The following ABCB4 variants were observed in gnomAD, a reference collection of about 807,000 sequenced individuals.
ABCB4 encodes phosphatidylcholine translocator ABCB4.
A neutral mutation model predicts 145.7 loss-of-function variants in ABCB4; 76 were observed. The observed-to-expected ratio is 0.52, with a 90% CI of 0.43 to 0.63. ABCB4 has a LOEUF of 0.63. ABCB4 is among the 30% of genes least tolerant of loss of function. The pLI is 0.00. For missense variants in ABCB4, 1,234 were observed against 1,553.1 expected (o/e 0.79, Z 3.45); for synonymous variants, 517 against 566.8 (o/e 0.91, Z 1.25).
At position 87,447,156 on chromosome 7, in the gene ABCB4, T is replaced by C. The variant is rs1226456347; in HGVS notation, c.883A>G (p.Ile295Val). 1 of 1,613,908 alleles carries C rather than the reference T, an allele frequency of 6.2e-7. No homozygotes were observed. The highest frequency in any genetic ancestry group is 1.7e-5 in the Admixed American group (1 of 59,970). Reference sequence around the variant, plus strand: ...ATACCCATGGAAATGTTTGCTGAAATAGCTTTTTTAATTCCAATCTCTTTG... The same window carrying C: ...ATACCCATGGAAATGTTTGCTGAAACAGCTTTTTTAATTCCAATCTCTTTG... ...NAKEIGIKKA[I>V]SANISMGIAF... Residue 295 changes from isoleucine to valine, a missense_variant, in exon 9 of 28, where the codon ATT becomes GTT. By Grantham distance (29) the Ile-to-Val change is conservative. This residue lies in a region of ABCB4 where 467 missense variants were observed against 632.8 expected (regional missense o/e 0.74). Coordinates refer to ENST00000649586, the MANE Select transcript of ABCB4 (RefSeq NM_000443.4).
At chr7:87,382,229 C>T in the ABCB4 span, 1 of 1,492,886 alleles carries the variant, frequency 6.7e-7, no homozygotes, top group Non-Finnish European at 9.1e-7. Flanking sequence ...TTTCTTTTAA[C>T]AACCATATGT....
At chr7:87,387,517 G>A in the ABCB4 span, among the ~76,000 whole-genome samples, 12,340 of 151,302 alleles carry the variant, frequency 0.082, 541 homozygotes, top group South Asian at 0.16. Context: ...GGGTCCCCAA[G>A]CCCCCAGTGC....
chr7:87,426,348 C>A (rs1809806039), intron 16 of ABCB4, among the ~76,000 whole-genome samples: 1 of 152,176 alleles, frequency 6.6e-6, no homozygotes, highest in African/African-American at 2.4e-5. Flanking sequence ...GAAATAAAAA[C>A]TCTTAATTTG....
At chr7:87,454,269 T>C (rs1416843752) in intron 5 of ABCB4, among the ~76,000 whole-genome samples, 1 of 152,202 alleles carries the variant, frequency 6.6e-6, no homozygotes, top group Non-Finnish European at 1.5e-5. Flanking sequence ...AATATAGATG[T>C]TATATTAGAT....
intron 15 of ABCB4, among the ~76,000 whole-genome samples, chr7:87,429,193 A>G (rs1337246883): frequency 6.6e-6 from 1 of 152,178 alleles, no homozygotes; most frequent in African/African-American, 2.4e-5. Flanking sequence ...TGGGAGGGCA[A>G]AACTCAAATC....
chr7:87,461,048 C>T (rs1329715735), intron 4 of ABCB4, among the ~76,000 whole-genome samples: 2 of 152,066 alleles, frequency 1.3e-5, no homozygotes, highest in African/African-American at 4.8e-5. Context: ...TGGGTTCAAG[C>T]GATTCCTCTG....
chr7:87,441,431 AC>A (rs139243442), intron 12 of ABCB4, among the ~76,000 whole-genome samples: 6,120 of 152,136 alleles, frequency 0.04, 394 homozygotes, highest in African/African-American at 0.14. Context: ...ATTTCTTGAA[AC>A]TTTTTACAAA....
At chr7:87,380,916 T>C in the ABCB4 span, among the ~76,000 whole-genome samples, 7 of 152,230 alleles carry the variant, frequency 4.6e-5, no homozygotes, top group Non-Finnish European at 2.9e-5. Flanking sequence ...AGTCTTGTCA[T>C]GTGTGCTGTT....
rs369817659 is a variant in ABCB4 at position 87,423,911 on chromosome 7, T to C, written c.2206A>G (p.Ile736Val). 1.4e-5 allele frequency: 22 copies of C among 1,614,082 alleles called. No individual in the cohort carries two copies. The highest frequency in any genetic ancestry group is 1.8e-5 in the Non-Finnish European group (21 of 1,179,940). Reference protein sequence around the residue: ...PAFSVIFSEIIAIFGPGDDAV... With the variant: ...PAFSVIFSEIVAIFGPGDDAV... ...TGTGGTGTTTGCAAACTTACCGCTA[T>C]GATCTCTGAGAATATGACTGAAAAT... The change falls in exon 17 of 28, where the codon ATA (isoleucine) becomes GTA (valine). Residue 736 changes from isoleucine to valine, a missense_variant. Ile to Val is a conservative substitution (Grantham distance 29, BLOSUM62 3). This residue lies in a region of ABCB4 where 321 missense variants were observed against 332.6 expected (regional missense o/e 0.97). Coordinates refer to ENST00000649586, the MANE Select transcript of ABCB4 (RefSeq NM_000443.4).
chr7:87,409,439 C>T (rs746779273), intron 23 of ABCB4, 47 bp from the exon 24 acceptor site: 9 of 1,594,406 alleles, frequency 5.6e-6, no homozygotes, highest in Non-Finnish European at 6.9e-6. Context: ...ATAATTAACT[C>T]CATGATGTTT....
intron 21 of ABCB4, among the ~76,000 whole-genome samples, chr7:87,416,382 T>C (rs181585490): frequency 6.6e-6 from 1 of 152,236 alleles, no homozygotes; most frequent in African/African-American, 2.4e-5. Flanking sequence ...TCATAACTAG[T>C]TAAGGTCAGT....
chr7:87,467,829 G>C lies in ABCB4; in HGVS notation c.135+4792C>G, dbSNP rs192872118. Among the ~76,000 whole-genome samples, 3 of 152,310 alleles carry C rather than the reference G, an allele frequency of 2.0e-5. No individual in the cohort carries two copies. The East Asian group carries it at 5.8e-4, about 29-fold the overall frequency. ...ATAACGAAATGAAGGCAGAAATAAAGATGTTCTTTGAAACCAATGAGAACA... is the reference window on the plus strand; with the variant it reads ...ATAACGAAATGAAGGCAGAAATAAACATGTTCTTTGAAACCAATGAGAACA... On this transcript the variant is annotated intron_variant, in intron 3 of 27. Transcript: ENST00000649586.
rs189458166 is a variant in ABCB4 at position 87,457,393 on chromosome 7, G to C, written c.287-2801C>G. Among the ~76,000 whole-genome samples the C allele has an allele frequency of 1.7e-3, 253 of 152,258 alleles. 1 individual carries two copies. The highest frequency in any genetic ancestry group is 3.2e-4 in the Non-Finnish European group (22 of 68,018). The stretch of plus-strand genomic sequence containing the variant: ...TCACTGCACTCTAGCCTGGGCAACA[G>C]AGCAAGACCCTGTCTCAAAAAAGAA... On this transcript the variant is annotated intron_variant, in intron 4 of 27. Coordinates refer to ENST00000649586, the MANE Select transcript of ABCB4 (RefSeq NM_000443.4).
chr7:87,386,696 G>T, the ABCB4 span, among the ~76,000 whole-genome samples: 2 of 152,104 alleles, frequency 1.3e-5, no homozygotes, highest in African/African-American at 4.8e-5. Context: ...GGGAAGGCTG[G>T]CTAGGGCTTT....
At chr7:87,407,174 G>A (rs1226078751) in intron 25 of ABCB4, among the ~76,000 whole-genome samples, 1 of 152,144 alleles carries the variant, frequency 6.6e-6, no homozygotes, top group Non-Finnish European at 1.5e-5. Context: ...ACAGCCTCGT[G>A]TAAGGTAAAG....
chr7:87,409,497 T>G, intron 23 of ABCB4, 105 bp from the exon 24 acceptor site: 1 of 1,136,080 alleles, frequency 8.8e-7, no homozygotes, highest in Admixed American at 1.8e-5. Context: ...CCTTTACTCC[T>G]TAATCATCCC....
the ABCB4 span, chr7:87,375,602 T>A: frequency 1.9e-6 from 3 of 1,548,452 alleles, no homozygotes; most frequent in South Asian, 3.4e-5. Flanking sequence ...GCCTGTACTC[T>A]TTTTTAATCT....
intron 23 of ABCB4, among the ~76,000 whole-genome samples, chr7:87,411,559 A>C (rs753834387): frequency 1.3e-5 from 2 of 152,146 alleles, no homozygotes; most frequent in Non-Finnish European, 2.9e-5. Context: ...CCCTGTTTTG[A>C]GTCCATGGTC....
chr7:87,465,262 G>A (rs867185636), intron 3 of ABCB4, among the ~76,000 whole-genome samples: 1 of 152,234 alleles, frequency 6.6e-6, no homozygotes, highest in South Asian at 2.1e-4. Flanking sequence ...CCACACCCAC[G>A]AAGCCTCGCT....
Sources: gnomAD v4.1 joint callset for allele counts (sites outside exome capture counted in the v4.1 genomes callset) on GRCh38, gnomAD v4.1.1 for gene constraint, gnomAD v4.1.1 regional missense constraint, MANE v1.5 for transcripts, NCBI Gene and HGNC (gene_info 2026-07-23, HGNC 2026-07-21) for gene names.